The following HERC1 variants were observed in gnomAD, a reference collection of about 807,000 sequenced individuals.
HERC1 encodes probable E3 ubiquitin-protein ligase HERC1.
HERC1 carries 160 observed loss-of-function variants against 554.3 expected under a neutral mutation model. That is an observed-to-expected ratio of 0.29 (90% CI 0.25 to 0.33). The LOEUF (loss-of-function observed/expected upper bound fraction) is 0.33, where lower values mean the gene tolerates loss of function less well. Among genes scored for constraint, HERC1 ranks in the 10% least tolerant of loss-of-function variants. The probability of loss-of-function intolerance (pLI) is 1.00; values close to 1 mark genes in which losing one functional copy is unlikely to be tolerated. For synonymous variants in HERC1, 2,175 were observed against 2,131.7 expected (o/e 1.02, Z -0.56); for missense variants, 4,919 against 5,918.5 (o/e 0.83, Z 5.54).
chr15:63,620,903 G>A (rs542106723), intron 74 of HERC1, among the ~76,000 whole-genome samples: 1 of 152,052 alleles, frequency 6.6e-6, no homozygotes, highest in Non-Finnish European at 1.5e-5. Flanking sequence ...ATGTGAGATG[G>A]GTTTCCTGAA....
intron 66 of HERC1, among the ~76,000 whole-genome samples, chr15:63,634,210 A>T (rs1219392718): frequency 6.6e-6 from 1 of 152,248 alleles, no homozygotes; most frequent in Non-Finnish European, 1.5e-5. Context: ...GCTAAACCAT[A>T]ATCAGTATGA....
Position 63,638,462 on chromosome 15 carries a change from T to G in HERC1, c.12042A>C (p.Gly4014=). The change falls in exon 63 of 78, where the codon GGA becomes GGC. Residue 4014 remains glycine (G), a synonymous_variant. Coordinates refer to ENST00000443617, the MANE Select transcript of HERC1 (RefSeq NM_003922.4). ...CTGCTGCAGGTACCATTACATTTCT[T>G]CCAGCTTCTGCCAGCTGTCCATGCC... ...AGRHGQLAEA[G]RNVMVPAAAP... 1 of 1,613,906 alleles carries G rather than the reference T, an allele frequency of 6.2e-7. No individual in the cohort carries two copies. The highest frequency in any genetic ancestry group is 8.5e-7 in the Non-Finnish European group (1 of 1,179,828).
Position 63,756,921 on chromosome 15 carries a change from T to G in HERC1, c.1222-173A>C, listed in dbSNP as rs933809776. Among the ~76,000 whole-genome samples, 3 of 152,350 alleles carry G rather than the reference T, an allele frequency of 2.0e-5. No homozygotes were observed. The East Asian group carries it at 5.8e-4, about 29-fold the overall frequency. On this transcript the variant is annotated intron_variant, in intron 4 of 77. Transcript: ENST00000443617. The surrounding 1 kb of genome is among the most constrained non-coding windows in gnomAD (Gnocchi z 5.0). ...TAAGAGAACACGAATGGCCTTTTCA[T>G]GCTCACAACTTTGTTGCTGAGTTCA... is the stretch of plus-strand genomic sequence containing the variant.
At chr15:63,829,329 G>A (rs2078046213) in intron 1 of HERC1, among the ~76,000 whole-genome samples, 1 of 151,516 alleles carries the variant, frequency 6.6e-6, no homozygotes, top group Admixed American at 6.6e-5. Flanking sequence ...AGGCTGAGGT[G>A]GAAGGATGGC....
rs1312483155 is a variant in HERC1, at chr15:63,641,154, T to C, written c.11607+316A>G. Among the ~76,000 whole-genome samples the C allele has an allele frequency of 2.6e-5, 4 of 152,190 alleles. No homozygotes were observed. In the East Asian group the frequency reaches 7.7e-4, roughly 29 times the overall value. ...GCCAAGCCATATAAAAATAGATATATGTGTGGGTCAGAAAAGGGAAGATAT... is the reference window on the plus strand; with the variant it reads ...GCCAAGCCATATAAAAATAGATATACGTGTGGGTCAGAAAAGGGAAGATAT... On this transcript the variant is annotated intron_variant, in intron 60 of 77. Coordinates refer to ENST00000443617, the MANE Select transcript of HERC1 (RefSeq NM_003922.4).
chr15:63,789,128 T>C (rs2076550576), intron 1 of HERC1, among the ~76,000 whole-genome samples: 1 of 117,160 alleles, frequency 8.5e-6, no homozygotes, highest in African/African-American at 3.3e-5. Context: ...TCTCGCTCTG[T>C]CGCCCAGGCT....
At chr15:63,672,454 A>C in intron 39 of HERC1, 42 bp downstream of exon 39, 3 of 1,405,052 alleles carry the variant, frequency 2.1e-6, no homozygotes, top group Non-Finnish European at 2.9e-6. Context: ...CTTCAGAAAC[A>C]CAGGCATCAG....
intron 1 of HERC1, among the ~76,000 whole-genome samples, chr15:63,828,896 A>C (rs945103703): frequency 4.6e-5 from 7 of 152,216 alleles, no homozygotes; most frequent in Admixed American, 3.3e-4. Flanking sequence ...AGCAAAAATA[A>C]CTACATACAA....
chr15:63,777,397 G>C (rs905841634), intron 1 of HERC1, among the ~76,000 whole-genome samples: 1 of 152,136 alleles, frequency 6.6e-6, no homozygotes, highest in African/African-American at 2.4e-5. Flanking sequence ...ACATAAAAGT[G>C]CCTTATTTAC....
chr15:63,711,138 A>T (rs914978578), intron 24 of HERC1, among the ~76,000 whole-genome samples: 1 of 152,176 alleles, frequency 6.6e-6, no homozygotes, highest in Non-Finnish European at 1.5e-5. Context: ...GTTTAAGATC[A>T]GCCTGGGCAA....
intron 1 of HERC1, among the ~76,000 whole-genome samples, chr15:63,810,929 G>T (rs2077286192): frequency 6.6e-6 from 1 of 152,048 alleles, no homozygotes; most frequent in African/African-American, 2.4e-5. Context: ...TGTTTAACTT[G>T]AATATGTGAT....
At position 63,664,443 on chromosome 15, in the gene HERC1, A is replaced by C. The variant is rs1027528242; in HGVS notation, c.8680+27T>G. 37 of 1,583,342 alleles carry C rather than the reference A, an allele frequency of 2.3e-5. No homozygotes were observed. The Admixed American group carries it at 6.4e-4, about 27-fold the overall frequency. On this transcript the variant is annotated intron_variant, in intron 43 of 77. Transcript: ENST00000443617. ...GCTTTCAAAATAAGATCTTTCACAA[A>C]GAAAAGGATACGGAACATAAAATTA...
intron 1 of HERC1, among the ~76,000 whole-genome samples, chr15:63,798,931 G>C (rs1311172700): frequency 1.3e-5 from 2 of 152,134 alleles, no homozygotes; most frequent in Non-Finnish European, 2.9e-5. Context: ...AGGTTTGGGG[G>C]TGTCCCAATT....
chr15:63,809,861 A>G (rs2077247773), intron 1 of HERC1, among the ~76,000 whole-genome samples: 1 of 152,056 alleles, frequency 6.6e-6, no homozygotes, highest in African/African-American at 2.4e-5. Flanking sequence ...CTTTTTTAAA[A>G]TAGAGATAAG....
chr15:63,618,026 A>T (rs371132233), intron 74 of HERC1, among the ~76,000 whole-genome samples: 12 of 151,946 alleles, frequency 7.9e-5, no homozygotes, highest in East Asian at 3.9e-4. Context: ...CCCATTTGTC[A>T]ATTTTGGCTT....
At position 63,692,088 on chromosome 15, in the gene HERC1, C is replaced by T. The variant is rs1433967951; in HGVS notation, c.5830+323G>A. On this transcript the variant is annotated intron_variant, in intron 31 of 77. Transcript: ENST00000443617. The surrounding 1 kb of genome is among the most constrained non-coding windows in gnomAD (Gnocchi z 4.7). ...AATTCAGATCTGCATCCTGATAATC[C>T]AAGAAGCAAGGTCGGAATCTGTGCT... Among the ~76,000 whole-genome samples, 1 of 152,104 alleles carries T rather than the reference C, an allele frequency of 6.6e-6. No individual in the cohort carries two copies. Among genetic ancestry groups the T allele is most frequent in the Non-Finnish European group, 1.5e-5 (1 of 68,014 alleles).
chr15:63,713,326 A>G (rs777727848), intron 23 of HERC1, 27 bp downstream of exon 23: 1 of 1,582,276 alleles, frequency 6.3e-7, no homozygotes, highest in South Asian at 1.1e-5. Flanking sequence ...TGAGTAGGTC[A>G]TGTTTTCAGT....
At chr15:63,716,991 ATTTCCCACAGTGG>A (rs2073584367) in intron 21 of HERC1, among the ~76,000 whole-genome samples, 2 of 152,210 alleles carry the variant, frequency 1.3e-5, no homozygotes, top group South Asian at 4.1e-4. Context: ...TGTTAACTTG[ATTTCCCACAGTGG>A]TTTCTACCTA....
intron 1 of HERC1, among the ~76,000 whole-genome samples, chr15:63,781,377 A>G (rs1271500899): frequency 6.6e-6 from 1 of 152,204 alleles, no homozygotes; most frequent in African/African-American, 2.4e-5. Flanking sequence ...TGTTCACTTC[A>G]TGTATCTGTG....
Sources: allele counts gnomAD v4.1 joint callset (sites outside exome capture counted in the v4.1 genomes callset), GRCh38; gene constraint gnomAD v4.1.1; non-coding constraint Gnocchi (gnomAD v3.1); transcripts MANE v1.5; gene names NCBI Gene and HGNC (gene_info 2026-07-23, HGNC 2026-07-21).